Variants in CDH12 observed in about 807,000 individuals in gnomAD.
CDH12 encodes cadherin 12.
CDH12 carries 41 observed loss-of-function variants against 74.1 expected under a neutral mutation model. The ratio of observed to expected loss-of-function variants is 0.55; its 90% CI spans 0.43 to 0.72. CDH12 has a LOEUF of 0.72. CDH12 is among the 30% of genes least tolerant of loss of function. The pLI, the probability that CDH12 is intolerant of heterozygous loss-of-function variation, is 0.00. For missense variants in CDH12, 945 were observed against 977.2 expected, an observed-to-expected ratio of 0.97 and a Z score of 0.44; for synonymous variants, 399 against 355.0, an observed-to-expected ratio of 1.12 and a Z score of -1.39.
chr5:22,624,074 C>T (rs913051090), intron 1 of CDH12, among the ~76,000 whole-genome samples: 1 of 152,132 alleles, frequency 6.6e-6, no homozygotes, highest in South Asian at 2.1e-4. Flanking sequence ...AAAGGATTCC[C>T]TATTTAATAA....
intron 2 of CDH12, among the ~76,000 whole-genome samples, chr5:22,459,823 G>A (rs558665800): frequency 5.5e-4 from 84 of 151,964 alleles, no homozygotes; most frequent in South Asian, 4.8e-3. Flanking sequence ...AAAATTAGCC[G>A]GGCATGGTGG....
chr5:22,009,991 A>G (rs1196712785), intron 5 of CDH12, among the ~76,000 whole-genome samples: 3 of 151,842 alleles, frequency 2.0e-5, no homozygotes, highest in Admixed American at 2.0e-4. Context: ...GAAAGAAGGA[A>G]AGAAAGAAAG....
chr5:22,549,000 C>A (rs889572068), intron 1 of CDH12, among the ~76,000 whole-genome samples: 6 of 152,064 alleles, frequency 3.9e-5, no homozygotes, highest in African/African-American at 1.4e-4. Flanking sequence ...AGTGCAGTTG[C>A]ATGATCATAG....
intron 4 of CDH12, among the ~76,000 whole-genome samples, chr5:22,091,127 A>C (rs894316665): frequency 6.6e-6 from 1 of 151,420 alleles, no homozygotes; most frequent in Non-Finnish European, 1.5e-5. Context: ...AGAAAGGTAG[A>C]AAAAAATTTG....
chr5:21,823,162 C>T (rs1173668326), intron 8 of CDH12, among the ~76,000 whole-genome samples: 2 of 151,940 alleles, frequency 1.3e-5, no homozygotes, highest in African/African-American at 2.4e-5. Flanking sequence ...ATTAAACAAT[C>T]ACACAAAAAA....
chr5:22,321,078 C>T (rs192576420), intron 3 of CDH12, among the ~76,000 whole-genome samples: 3 of 152,128 alleles, frequency 2.0e-5, no homozygotes, highest in African/African-American at 4.8e-5. Context: ...GTGAAACTTT[C>T]GTTTTAGTAA....
At chr5:22,105,741 A>G (rs1170072087) in intron 4 of CDH12, among the ~76,000 whole-genome samples, 3 of 151,678 alleles carry the variant, frequency 2.0e-5, no homozygotes, top group Non-Finnish European at 4.4e-5. Flanking sequence ...ATAAAATAAA[A>G]TAAAATAAAA....
At chr5:22,243,116 CA>C (rs1431652318) in intron 3 of CDH12, among the ~76,000 whole-genome samples, 2 of 152,080 alleles carry the variant, frequency 1.3e-5, no homozygotes, top group African/African-American at 4.8e-5. Context: ...ACTTTCTAAA[CA>C]GTATACTCAT....
intron 4 of CDH12, among the ~76,000 whole-genome samples, chr5:22,210,666 C>T (rs1294555772): frequency 6.6e-6 from 1 of 151,978 alleles, no homozygotes; most frequent in African/African-American, 2.4e-5. Flanking sequence ...TGGTCAGACA[C>T]TTCAGTGGTC....
At chr5:22,415,094 A>G (rs914452813) in intron 2 of CDH12, among the ~76,000 whole-genome samples, 6 of 152,194 alleles carry the variant, frequency 3.9e-5, no homozygotes, top group Non-Finnish European at 7.4e-5. Flanking sequence ...CATGAAAGCA[A>G]TACTAAAATA....
intron 4 of CDH12, among the ~76,000 whole-genome samples, chr5:22,191,575 T>TC (rs1750287028): frequency 2.2e-5 from 3 of 135,956 alleles, no homozygotes; most frequent in African/African-American, 8.4e-5. Context: ...TATTTTTTTT[T>TC]TTTTTTTGAG....
At chr5:22,022,731 C>T (rs767252187) in intron 5 of CDH12, among the ~76,000 whole-genome samples, 4 of 152,072 alleles carry the variant, frequency 2.6e-5, no homozygotes, top group African/African-American at 9.7e-5. Context: ...CTTGCTCACC[C>T]TATATAACTT....
intron 1 of CDH12, among the ~76,000 whole-genome samples, chr5:22,688,156 G>A (rs1741909166): frequency 6.6e-6 from 1 of 152,068 alleles, no homozygotes; most frequent in African/African-American, 2.4e-5. Context: ...GCGTCCAGGA[G>A]ATTCATGAGA....
intron 3 of CDH12, among the ~76,000 whole-genome samples, chr5:22,297,563 A>T (rs1737686329): frequency 6.6e-6 from 1 of 152,262 alleles, no homozygotes; most frequent in African/African-American, 2.4e-5. Context: ...ATATATGGCA[A>T]GAAATACTTT....
At chr5:22,307,873 GTTTTTTTT>G (rs35242143) in intron 3 of CDH12, among the ~76,000 whole-genome samples, 3 of 68,658 alleles carry the variant, frequency 4.4e-5, no homozygotes, top group African/African-American at 1.3e-4. Context: ...CTTTCTTTTA[GTTTTTTTT>G]TTTTTTTTTT....
At chr5:22,237,399 C>T (rs1752595721) in intron 3 of CDH12, among the ~76,000 whole-genome samples, 1 of 152,066 alleles carries the variant, frequency 6.6e-6, no homozygotes, top group Non-Finnish European at 1.5e-5. Flanking sequence ...CGTTAAAATC[C>T]TAATCCTCAA....
At chr5:22,450,551 T>C (rs1051294380) in intron 2 of CDH12, among the ~76,000 whole-genome samples, 31 of 151,946 alleles carry the variant, frequency 2.0e-4, no homozygotes, top group Non-Finnish European at 2.4e-4. Flanking sequence ...ACTGTATCAA[T>C]GTTTCCCTCT....
intron 1 of CDH12, among the ~76,000 whole-genome samples, chr5:22,698,806 A>G (rs1309372361): frequency 7.0e-6 from 1 of 142,422 alleles, no homozygotes; most frequent in Non-Finnish European, 1.5e-5. Flanking sequence ...AATTATTAGA[A>G]GTTTGGCAGT....
At chr5:22,244,786 AAGAAAGAAAG>A (rs1431749291) in intron 3 of CDH12, among the ~76,000 whole-genome samples, 1 of 133,726 alleles carries the variant, frequency 7.5e-6, no homozygotes, top group Non-Finnish European at 1.7e-5. Context: ...GAAAGAAAGA[AAGAAAGAAAG>A]AAAGAAAAAT....
Sources: allele counts gnomAD v4.1 joint callset (sites outside exome capture counted in the v4.1 genomes callset), GRCh38; gene constraint gnomAD v4.1.1; transcripts MANE v1.5; gene names NCBI Gene and HGNC (gene_info 2026-07-23, HGNC 2026-07-21).